RAB11FIP4: variants seen among roughly 807,000 people sequenced by gnomAD.
RAB11FIP4 encodes the protein rab11 family-interacting protein 4.
A neutral mutation model predicts 74.3 loss-of-function variants in RAB11FIP4; 23 were observed. That is an observed-to-expected ratio of 0.31 (90% confidence interval 0.22 to 0.44). RAB11FIP4 has a LOEUF of 0.44. Among genes scored for constraint, RAB11FIP4 ranks in the 20% least tolerant of loss-of-function variants. The pLI, the probability that RAB11FIP4 is intolerant of heterozygous loss-of-function variation, is 1.00. For synonymous variants in RAB11FIP4, 360 were observed against 359.9 expected, an observed-to-expected ratio of 1.00 and a Z score of 0.00; for missense variants, 630 against 863.9, an observed-to-expected ratio of 0.73 and a Z score of 3.39.
chr17:31,429,982 AC>A (rs2071291361), intron 1 of RAB11FIP4, among the ~76,000 whole-genome samples: 1 of 152,184 alleles, frequency 6.6e-6, no homozygotes, highest in South Asian at 2.1e-4. Context: ...TTTTTAGTTA[AC>A]AATAGCAAGT....
rs554631729 is a variant in RAB11FIP4 at position 31,394,205 on chromosome 17, G to A, written c.159+2194G>A. Among the ~76,000 whole-genome samples the A allele has an allele frequency of 5.3e-5, 8 of 152,328 alleles. No homozygotes were observed. The South Asian group carries it at 1.5e-3, about 28-fold the overall frequency. ...TATTGTGTCCTATCTCTCAGGCAGCGCCTCAATGACACTTCTGTCAGACCT... is the reference window on the plus strand; with the variant it reads ...TATTGTGTCCTATCTCTCAGGCAGCACCTCAATGACACTTCTGTCAGACCT... On this transcript the variant is annotated intron_variant, in intron 1 of 14. Coordinates refer to ENST00000621161, the MANE Select transcript of RAB11FIP4 (RefSeq NM_032932.6).
At chr17:31,523,485 C>T (rs2072706365) in intron 7 of RAB11FIP4, 27 bp from the exon 8 acceptor site, 7 of 1,597,866 alleles carry the variant, frequency 4.4e-6, no homozygotes, top group Non-Finnish European at 5.1e-6. Context: ...GCCCCTGCAG[C>T]CAGACACCCT....
chr17:31,421,455 G>A (rs1342517970), intron 1 of RAB11FIP4, among the ~76,000 whole-genome samples: 3 of 151,714 alleles, frequency 2.0e-5, no homozygotes, highest in African/African-American at 7.3e-5. Flanking sequence ...CTGACCTCAA[G>A]TGATCCACCT....
At chr17:31,438,798 G>A (rs2071383795) in intron 3 of RAB11FIP4, among the ~76,000 whole-genome samples, 1 of 152,126 alleles carries the variant, frequency 6.6e-6, no homozygotes, top group Non-Finnish European at 1.5e-5. Flanking sequence ...CTTGTCAGGA[G>A]CTAACGTCTA....
chr17:31,445,752 A>AT lies in RAB11FIP4; in HGVS notation c.336+11640dup, dbSNP rs554002148. On this transcript the variant is annotated intron_variant, in intron 3 of 14. Coordinates refer to ENST00000621161, the MANE Select transcript of RAB11FIP4 (RefSeq NM_032932.6). ...AGGTGCATGCCACCACTCCCGGCTA[A>AT]TTTTTTTTTTGTATTTTTAGTAGAG... is the stretch of plus-strand genomic sequence containing the variant. Among the ~76,000 whole-genome samples the AT allele has an allele frequency of 1.3e-3, 183 of 145,538 alleles. 2 individuals carry two copies. The South Asian group carries it at 0.027, about 21-fold the overall frequency.
intron 3 of RAB11FIP4, among the ~76,000 whole-genome samples, chr17:31,493,035 A>G (rs7221730): frequency 0.65 from 99,395 of 151,906 alleles, 32,869 homozygotes; most frequent in African/African-American, 0.72. Context: ...GGTGGCTGTG[A>G]TGGCCCAGAG....
chr17:31,497,222 G>A (rs1319719862), intron 3 of RAB11FIP4, among the ~76,000 whole-genome samples: 1 of 152,070 alleles, frequency 6.6e-6, no homozygotes, highest in Non-Finnish European at 1.5e-5. Context: ...AAATCAGCCC[G>A]GCGTGGTGGC....
chr17:31,463,150 C>T (rs1205936733), intron 3 of RAB11FIP4, among the ~76,000 whole-genome samples: 3 of 152,130 alleles, frequency 2.0e-5, no homozygotes, highest in Non-Finnish European at 4.4e-5. Flanking sequence ...GAGCATAGTC[C>T]CATTATGTAA....
intron 3 of RAB11FIP4, among the ~76,000 whole-genome samples, chr17:31,439,059 C>T (rs1157224305): frequency 6.6e-6 from 1 of 152,206 alleles, no homozygotes; most frequent in East Asian, 1.9e-4. Context: ...GCCCTTCACC[C>T]TCTACCACTG....
chr17:31,431,879 C>T lies in RAB11FIP4; in HGVS notation c.226C>T (p.Arg76Trp), dbSNP rs765390391. The change falls in exon 2 of 15, where the codon CGG becomes TGG. Residue 76 changes from arginine (R) to tryptophan (W), a missense_variant. Arg to Trp is a moderately radical substitution (Grantham distance 101). Coordinates refer to ENST00000621161, the MANE Select transcript of RAB11FIP4 (RefSeq NM_032932.6). Reference sequence around the variant, plus strand: ...GAGAATCAACTTCAAGGACTTTTGCCGGGGGGTGTTCGCCATGAAAGGTGA... The same window carrying T: ...GAGAATCAACTTCAAGGACTTTTGCTGGGGGGTGTTCGCCATGAAAGGTGA... ...LGRINFKDFC[R>W]GVFAMKGCEE... 15 of 1,612,764 alleles carry T rather than the reference C, an allele frequency of 9.3e-6. No individual in the cohort carries two copies. Among genetic ancestry groups the T allele is most frequent in the Non-Finnish European group, 1.3e-5 (15 of 1,179,326 alleles).
chr17:31,428,335 G>A (rs1028532587), intron 1 of RAB11FIP4, among the ~76,000 whole-genome samples: 7 of 152,208 alleles, frequency 4.6e-5, no homozygotes, highest in Non-Finnish European at 4.4e-5. Context: ...GTTTGGCTTC[G>A]GTGCCTGTGA....
At chr17:31,509,303 C>T (rs960385106) in intron 3 of RAB11FIP4, 3 of 151,406 alleles carry the variant, frequency 2.0e-5, no homozygotes, top group African/African-American at 7.4e-5. Flanking sequence ...GAATGAGCAC[C>T]TGGGGAACCC....
At chr17:31,397,887 T>TC (rs1436853716) in intron 1 of RAB11FIP4, among the ~76,000 whole-genome samples, 1 of 152,028 alleles carries the variant, frequency 6.6e-6, no homozygotes, top group Non-Finnish European at 1.5e-5. Flanking sequence ...TTTTTTTTTT[T>TC]TTAATTGAAA....
At chr17:31,461,153 T>C (rs533057091) in intron 3 of RAB11FIP4, among the ~76,000 whole-genome samples, 1 of 149,552 alleles carries the variant, frequency 6.7e-6, no homozygotes, top group Non-Finnish European at 1.5e-5. Context: ...TCACCACCCT[T>C]ATAGCCCCAC....
chr17:31,523,260 C>T, intron 7 of RAB11FIP4: 2 of 543,542 alleles, frequency 3.7e-6, no homozygotes, highest in East Asian at 3.1e-5. Context: ...GGTTCTGAGG[C>T]CGCAGGAGAA....
chr17:31,508,882 T>C (rs973968783), intron 3 of RAB11FIP4, among the ~76,000 whole-genome samples: 1 of 152,058 alleles, frequency 6.6e-6, no homozygotes, highest in Non-Finnish European at 1.5e-5. Context: ...TGGGGTGAGG[T>C]TGTGAGATCG....
At chr17:31,497,598 G>A (rs573401894) in intron 3 of RAB11FIP4, among the ~76,000 whole-genome samples, 1 of 152,158 alleles carries the variant, frequency 6.6e-6, no homozygotes, top group African/African-American at 2.4e-5. Context: ...GGTGGGGTGG[G>A]CACCCAGTCG....
intron 3 of RAB11FIP4, among the ~76,000 whole-genome samples, chr17:31,445,575 T>TAG: frequency 9.1e-5 from 1 of 10,992 alleles, no homozygotes; most frequent in African/African-American, 3.1e-4. Flanking sequence ...TATATATATA[T>TAG]ATATTTTTTT....
chr17:31,432,272 G>A (rs1195126177), intron 2 of RAB11FIP4, among the ~76,000 whole-genome samples: 1 of 151,976 alleles, frequency 6.6e-6, no homozygotes, highest in Non-Finnish European at 1.5e-5. Flanking sequence ...GCAGTCCTGG[G>A]CAAACCTGGA....
Sources: gnomAD v4.1 joint callset for allele counts (sites outside exome capture counted in the v4.1 genomes callset) on GRCh38, gnomAD v4.1.1 for gene constraint, MANE v1.5 for transcripts, NCBI Gene and HGNC (gene_info 2026-07-23, HGNC 2026-07-21) for gene names.